LARGE1: variants seen among roughly 807,000 people sequenced by gnomAD.
The protein encoded by LARGE1 is xylosyl- and glucuronyltransferase LARGE1.
Under a neutral mutation model 87.6 loss-of-function variants are expected in LARGE1, and 43 were observed. That is an observed-to-expected ratio of 0.49 (90% confidence interval 0.38 to 0.63). The LOEUF (loss-of-function observed/expected upper bound fraction) is 0.63. Among genes scored for constraint, LARGE1 ranks in the 30% least tolerant of loss-of-function variants. The pLI, the probability that LARGE1 is intolerant of heterozygous loss-of-function variation, is 0.00. For missense variants in LARGE1, 802 were observed against 1,000.2 expected, an observed-to-expected ratio of 0.80 and a Z score of 2.67; for synonymous variants, 434 against 394.6, an observed-to-expected ratio of 1.10 and a Z score of -1.18.
At chr22:33,904,444 G>A (rs1456151657) in intron 1 of LARGE1, among the ~76,000 whole-genome samples, 1 of 152,128 alleles carries the variant, frequency 6.6e-6, no homozygotes, top group South Asian at 2.1e-4. Flanking sequence ...ATGAGCCACC[G>A]CGCCTGGCCA....
chr22:33,409,558 A>G (rs143825744), intron 7 of LARGE1, among the ~76,000 whole-genome samples: 92 of 152,278 alleles, frequency 6.0e-4, no homozygotes, highest in Non-Finnish European at 4.0e-4. Context: ...GCATCCCCAG[A>G]GTCCAGCATG....
chr22:33,085,314 C>G, the LARGE1 span, among the ~76,000 whole-genome samples: 1 of 152,108 alleles, frequency 6.6e-6, no homozygotes, highest in East Asian at 1.9e-4. Flanking sequence ...ATCACATGCT[C>G]AAGCTGTTTG....
chr22:33,640,841 A>C (rs1336492604), intron 3 of LARGE1, among the ~76,000 whole-genome samples: 1 of 152,164 alleles, frequency 6.6e-6, no homozygotes, highest in Non-Finnish European at 1.5e-5. Flanking sequence ...ATGGCAAAGC[A>C]CCTGGGGCCA....
chr22:33,166,973 C>T, intron 11 of LARGE1: 1 of 398,386 alleles, frequency 2.5e-6, no homozygotes, highest in Admixed American at 3.0e-5. Flanking sequence ...ACTCCCCCTT[C>T]TCCAGTATAT....
At chr22:33,790,446 AAGG>A (rs2085787149) in intron 1 of LARGE1, among the ~76,000 whole-genome samples, 1 of 152,194 alleles carries the variant, frequency 6.6e-6, no homozygotes, top group Non-Finnish European at 1.5e-5. Flanking sequence ...TGAATCATCC[AAGG>A]ATACAGCAGG....
At chr22:33,513,987 T>C (rs1355732406) in intron 6 of LARGE1, among the ~76,000 whole-genome samples, 2 of 152,190 alleles carry the variant, frequency 1.3e-5, no homozygotes, top group African/African-American at 4.8e-5. Context: ...TACAACTGCC[T>C]ACAGTATTCA....
the LARGE1 span, among the ~76,000 whole-genome samples, chr22:33,129,621 A>G: frequency 6.6e-6 from 1 of 152,178 alleles, no homozygotes; most frequent in African/African-American, 2.4e-5. Context: ...AATGCCCGAG[A>G]CTGGGTAATT....
In LARGE1 at chr22:33,304,484, C is replaced by G. The variant is rs1934600088; in HGVS notation, c.1475G>C (p.Cys492Ser). The G allele has an allele frequency of 1.2e-6, 2 of 1,606,180 alleles. No individual in the cohort carries two copies. Among genetic ancestry groups the G allele is most frequent in the Admixed American group, 1.7e-5 (1 of 59,138 alleles). The change falls in exon 12 of 15, where the codon TGC becomes TCC. Residue 492 changes from cysteine to serine, a missense_variant. This residue lies in a region of LARGE1 where 625 missense variants were observed against 841.9 expected (regional missense o/e 0.74). Transcript: ENST00000397394. ...MDRLQMLEAI[C>S]KHWEGPISLA... ...GCTGATGGGCCCCTCCCAGTGCTTG[C>G]AGATGGCCTCCAGCATCTGGAGCCT...
chr22:33,266,557 T>G (rs1452389716), intron 11 of LARGE1, among the ~76,000 whole-genome samples: 1 of 151,676 alleles, frequency 6.6e-6, no homozygotes, highest in African/African-American at 2.4e-5. Flanking sequence ...TGAGCTTCCG[T>G]TTCCTTATCT....
At chr22:33,324,296 C>CCCCCCCCCAAACCAAACAA (rs779247608) in intron 10 of LARGE1, among the ~76,000 whole-genome samples, 1 of 37,026 alleles carries the variant, frequency 2.7e-5, no homozygotes, top group Non-Finnish European at 5.2e-5. Flanking sequence ...AAACAAACAA[C>CCCCCCCCCAAACCAAACAA]CCCCCCCCCA....
intron 6 of LARGE1, among the ~76,000 whole-genome samples, chr22:33,511,546 C>T (rs898947719): frequency 7.9e-5 from 12 of 152,130 alleles, no homozygotes; most frequent in African/African-American, 2.9e-4. Flanking sequence ...ATGATCCAGT[C>T]TAGAGAATGG....
rs76306974 is a variant in LARGE1, at chr22:33,619,370, C to T, written c.491+6874G>A. ...AGGAGTTCGAGACCAGCCTGGCCAA[C>T]GTGGCAAAACCCCATCTCTACTAAA... On this transcript the variant is annotated intron_variant, in intron 4 of 14. Coordinates refer to ENST00000397394, the MANE Select transcript of LARGE1 (RefSeq NM_133642.5). Among the ~76,000 whole-genome samples the T allele has an allele frequency of 1.2e-3, 181 of 152,064 alleles. 1 individual carries two copies. The highest frequency in any genetic ancestry group is 7.1e-3 in the South Asian group (34 of 4,800).
At chr22:33,683,535 G>A (rs2081845864) in intron 2 of LARGE1, among the ~76,000 whole-genome samples, 1 of 151,958 alleles carries the variant, frequency 6.6e-6, no homozygotes, top group Non-Finnish European at 1.5e-5. Flanking sequence ...AGAATCAATA[G>A]GATGGATGGA....
chr22:33,343,209 G>T (rs982414199), intron 9 of LARGE1, among the ~76,000 whole-genome samples: 3 of 152,050 alleles, frequency 2.0e-5, no homozygotes, highest in Non-Finnish European at 4.4e-5. Context: ...GCTCACTGCA[G>T]CCTCAATCTC....
At chr22:33,887,118 C>T (rs1446237280) in intron 1 of LARGE1, among the ~76,000 whole-genome samples, 2 of 152,150 alleles carry the variant, frequency 1.3e-5, no homozygotes, top group South Asian at 2.1e-4. Context: ...AAGAACAGCA[C>T]GTGAACATCG....
chr22:33,103,216 G>A, the LARGE1 span, among the ~76,000 whole-genome samples: 12 of 151,896 alleles, frequency 7.9e-5, no homozygotes, highest in African/African-American at 2.9e-4. Context: ...GGCGGATCCC[G>A]AGGTCAGGAG....
intron 5 of LARGE1, among the ~76,000 whole-genome samples, chr22:33,595,960 T>C (rs879837051): frequency 6.6e-6 from 1 of 152,216 alleles, no homozygotes; most frequent in Non-Finnish European, 1.5e-5. Flanking sequence ...GGCGAATATT[T>C]CTAATAGAGT....
intron 11 of LARGE1, among the ~76,000 whole-genome samples, chr22:33,242,738 C>A (rs1926579944): frequency 6.6e-6 from 1 of 152,080 alleles, no homozygotes; most frequent in South Asian, 2.1e-4. Context: ...AACAAAGTAC[C>A]ACAACTGGTG....
At chr22:33,441,881 T>C (rs2067493086) in intron 6 of LARGE1, among the ~76,000 whole-genome samples, 1 of 152,366 alleles carries the variant, frequency 6.6e-6, no homozygotes, top group Admixed American at 6.5e-5. Flanking sequence ...GTCCTTCAGA[T>C]GCGATCTATG....
Sources: allele counts gnomAD v4.1 joint callset (sites outside exome capture counted in the v4.1 genomes callset), GRCh38; gene constraint gnomAD v4.1.1; regional missense constraint gnomAD v4.1.1; transcripts MANE v1.5; gene names NCBI Gene and HGNC (gene_info 2026-07-23, HGNC 2026-07-21).